Variants in NDUFC1 observed in about 807,000 individuals in gnomAD.
NDUFC1 encodes the protein NADH dehydrogenase [ubiquinone] 1 subunit C1, mitochondrial.
A neutral mutation model predicts 11.6 loss-of-function variants in NDUFC1; 11 were observed. The observed-to-expected ratio is 0.95, with a 90% confidence interval of 0.60 to 1.58. The LOEUF (loss-of-function observed/expected upper bound fraction) is 1.58, where lower values mean the gene tolerates loss of function less well. Ranked by LOEUF, NDUFC1 falls within the 40% of genes most tolerant of loss-of-function variation. NDUFC1 has a pLI of 0.00. For missense variants in NDUFC1, 112 were observed against 93.0 expected, an observed-to-expected ratio of 1.20 and a Z score of -0.84; for synonymous variants, 52 against 42.2, an observed-to-expected ratio of 1.23 and a Z score of -0.90.
intron 4 of NDUFC1, among the ~76,000 whole-genome samples, chr4:139,294,330 TCTACTGGGA>T (rs1745362892): frequency 6.6e-6 from 1 of 152,152 alleles, no homozygotes; most frequent in Non-Finnish European, 1.5e-5. Context: ...CTAATGGAAG[TCTACTGGGA>T]TTCAATTTGT....
intron 5 of NDUFC1, among the ~76,000 whole-genome samples, chr4:139,292,210 A>G: frequency 6.6e-6 from 1 of 152,168 alleles, no homozygotes; most frequent in East Asian, 1.9e-4. Context: ...TGATTACGCT[A>G]AAAGATTCTT....
At chr4:139,301,304 A>T (rs1745715477) in intron 1 of NDUFC1, 7 of 388,230 alleles carry the variant, frequency 1.8e-5, no homozygotes, top group Non-Finnish European at 2.7e-5. Context: ...AGCCTCCCGT[A>T]GCTCCGCGGG....
At chr4:139,297,022 G>C (rs763580104) in intron 2 of NDUFC1, among the ~76,000 whole-genome samples, 1 of 152,170 alleles carries the variant, frequency 6.6e-6, no homozygotes, top group Non-Finnish European at 1.5e-5. Flanking sequence ...TAAATTGTGA[G>C]TCACTTTAGT....
Position 139,292,977 on chromosome 4 carries a change from C to T in NDUFC1, c.172-368G>A, listed in dbSNP as rs572324209. On this transcript the variant is annotated intron_variant, in intron 4 of 5. Transcript: ENST00000394223. Reference sequence around the variant, plus strand: ...CTGGGATTACAGGCGCCTGCCACCACGCCTGGCTAATTTTTGTATCTTTAG... The same window carrying T: ...CTGGGATTACAGGCGCCTGCCACCATGCCTGGCTAATTTTTGTATCTTTAG... 1.6e-4 allele frequency among the ~76,000 whole-genome samples: 24 copies of T among 152,132 alleles called. No homozygotes were observed. The East Asian group carries it at 2.7e-3, about 17-fold the overall frequency.
chr4:139,302,010 C>A, intron 1 of NDUFC1: 3 of 575,502 alleles, frequency 5.2e-6, no homozygotes, highest in Non-Finnish European at 8.6e-6. Context: ...ATGGCCCGCG[C>A]GCCAGGGACC....
chr4:139,296,195 C>G (rs898321091), intron 2 of NDUFC1: 1 of 182,642 alleles, frequency 5.5e-6, no homozygotes, highest in Non-Finnish European at 1.1e-5. Context: ...CATTCATTGT[C>G]TTATTTCATC....
At chr4:139,290,462 T>A (rs1229205527) in intron 5 of NDUFC1, among the ~76,000 whole-genome samples, 1 of 151,854 alleles carries the variant, frequency 6.6e-6, no homozygotes, top group Non-Finnish European at 1.5e-5. Flanking sequence ...ATCTCTTGAT[T>A]GGCTGATTAG....
At chr4:139,300,563 G>C (rs1745667058) in intron 1 of NDUFC1, 2 of 152,152 alleles carry the variant, frequency 1.3e-5, no homozygotes, top group Non-Finnish European at 2.9e-5. Flanking sequence ...ATGCCACTTT[G>C]AAAAAGTTTT....
intron 1 of NDUFC1, chr4:139,301,030 C>G (rs897183431): frequency 1.3e-5 from 2 of 152,556 alleles, no homozygotes; most frequent in Non-Finnish European, 2.9e-5. Flanking sequence ...TGTTAAGCCC[C>G]TTTCTCCCCA....
chr4:139,296,584 C>T (rs1270398207), intron 2 of NDUFC1, among the ~76,000 whole-genome samples: 1 of 152,254 alleles, frequency 6.6e-6, no homozygotes, highest in Non-Finnish European at 1.5e-5. Flanking sequence ...TACTTAACCT[C>T]TCTATACCTA....
In NDUFC1 at chr4:139,295,814, TCA is replaced by T; in HGVS notation, c.-18_-17del. The T allele has an allele frequency of 1.3e-6, 2 of 1,543,528 alleles. No homozygotes were observed. The highest frequency in any genetic ancestry group is 1.7e-6 in the Non-Finnish European group (2 of 1,144,506). ...ACGGCGCCATCTTGCGTGGCCCAGC[TCA>T]GTCTCTCCGAGTTGGCAACAGAACC... On this transcript the variant is annotated 5_prime_UTR_variant, in exon 3 of 6. Coordinates refer to ENST00000394223, the MANE Select transcript of NDUFC1 (RefSeq NM_001184989.2).
At chr4:139,300,081 T>C (rs1745646967) in intron 1 of NDUFC1, among the ~76,000 whole-genome samples, 1 of 152,234 alleles carries the variant, frequency 6.6e-6, no homozygotes, top group Non-Finnish European at 1.5e-5. Context: ...TTTTGCAGGT[T>C]ATTACTAAGT....
At chr4:139,301,411 T>C (rs895188116) in intron 1 of NDUFC1, 4 of 425,092 alleles carry the variant, frequency 9.4e-6, no homozygotes, top group African/African-American at 6.2e-5. Context: ...CCCGGCAAGC[T>C]CCGAAACCCA....
rs6536040 is a variant in NDUFC1 at position 139,294,988 on chromosome 4, T to C, written c.171+55A>G. On this transcript the variant is annotated intron_variant, in intron 4 of 5. Coordinates refer to ENST00000394223, the MANE Select transcript of NDUFC1 (RefSeq NM_001184989.2). Reference sequence around the variant, plus strand: ...CACCATTCAATCTCGCAATGTTATGTCATTCCCTTACCACGCTGGTGTAGT... The same window carrying C: ...CACCATTCAATCTCGCAATGTTATGCCATTCCCTTACCACGCTGGTGTAGT... 0.013 allele frequency: 17,287 copies of C among 1,338,202 alleles called. 1,619 individuals carry two copies. The African/African-American group carries it at 0.21, about 17-fold the overall frequency. The allele number at this position is 1,338,202 out of a possible 1,614,324, so 82.9% of individuals were successfully genotyped here. A position where few individuals can be genotyped will look rare whatever the true frequency, so the allele number is the denominator to read the frequency against.
In NDUFC1 at chr4:139,290,090, T is replaced by C. The variant is rs1745148773; in HGVS notation, c.*23A>G. 1 of 151,594 alleles carries C rather than the reference T, an allele frequency of 6.6e-6. No individual in the cohort carries two copies. Among genetic ancestry groups the C allele is most frequent in the Admixed American group, 6.6e-5 (1 of 15,182 alleles). The allele number at this position is 151,594 out of a possible 1,614,324, so 9.4% of individuals were successfully genotyped here. On this transcript the variant is annotated splice_region_variant and 3_prime_UTR_variant, in exon 6 of 6. Transcript: ENST00000394223. ...ACAGCTACAATCACTATACGGAGCATACCTATAATGAAGAAAAAAAAAACT... is the reference window on the plus strand; with the variant it reads ...ACAGCTACAATCACTATACGGAGCACACCTATAATGAAGAAAAAAAAAACT...
rs761672317 is a variant in NDUFC1 at position 139,295,042 on chromosome 4, C to G, written c.171+1G>C. 1 of 1,612,848 alleles carries G rather than the reference C, an allele frequency of 6.2e-7. No homozygotes were observed. The highest frequency in any genetic ancestry group is 1.1e-5 in the South Asian group (1 of 91,032). On this transcript the variant is annotated splice_donor_variant, in intron 4 of 5. Transcript: ENST00000394223. LOFTEE classifies it high-confidence loss of function. ...ACGACATCCGGGAGTAAAGTACTTACATAGATCCACAAGAAGACAGTGGTG... is the reference window on the plus strand; with the variant it reads ...ACGACATCCGGGAGTAAAGTACTTAGATAGATCCACAAGAAGACAGTGGTG...
intron 1 of NDUFC1, among the ~76,000 whole-genome samples, chr4:139,299,291 C>A (rs1003116144): frequency 1.3e-5 from 2 of 150,784 alleles, no homozygotes; most frequent in Admixed American, 1.3e-4. Context: ...TAAATAAGAT[C>A]CAAGTACTTA....
intron 5 of NDUFC1, among the ~76,000 whole-genome samples, chr4:139,292,066 T>A (rs1486773304): frequency 6.6e-6 from 1 of 152,186 alleles, no homozygotes; most frequent in Admixed American, 6.5e-5. Flanking sequence ...CTTGATCTCC[T>A]GACCTTGTGA....
chr4:139,296,743 T>C (rs1207546771), intron 2 of NDUFC1, among the ~76,000 whole-genome samples: 1 of 152,262 alleles, frequency 6.6e-6, no homozygotes, highest in African/African-American at 2.4e-5. Flanking sequence ...CAGATCTTTG[T>C]ACATTCAATT....
Sources: gnomAD v4.1 joint callset for allele counts (sites outside exome capture counted in the v4.1 genomes callset) on GRCh38, gnomAD v4.1.1 for gene constraint, MANE v1.5 for transcripts, NCBI Gene and HGNC (gene_info 2026-07-23, HGNC 2026-07-21) for gene names.